Variants in EPM2A observed in about 807,000 individuals in gnomAD.
The protein encoded by EPM2A is EPM2A glucan phosphatase, laforin.
EPM2A carries 21 observed loss-of-function variants against 26.5 expected under a neutral mutation model. That is an observed-to-expected ratio of 0.79 (90% CI 0.56 to 1.14). The LOEUF (loss-of-function observed/expected upper bound fraction) is 1.14, where lower values mean the gene tolerates loss of function less well. EPM2A is among the 50% of genes most tolerant of loss of function. The pLI is 0.00. For missense variants in EPM2A, 458 were observed against 440.8 expected (o/e 1.04, Z -0.35); for synonymous variants, 217 against 177.6 (o/e 1.22, Z -1.76).
At chr6:145,525,981 G>C (rs1407165402) in intron 2 of EPM2A, among the ~76,000 whole-genome samples, 1 of 151,934 alleles carries the variant, frequency 6.6e-6, no homozygotes, top group African/African-American at 2.4e-5. Context: ...TGTTTAGTTT[G>C]TTGAAGGTTC....
At chr6:145,452,305 C>G (rs779358047) in intron 4 of EPM2A, among the ~76,000 whole-genome samples, 3 of 152,010 alleles carry the variant, frequency 2.0e-5, no homozygotes, top group Non-Finnish European at 4.4e-5. Flanking sequence ...ACCTGAGCAT[C>G]TCCAAGGGCC....
chr6:145,410,906 C>A (rs1411424450), intron 4 of EPM2A, among the ~76,000 whole-genome samples: 5 of 152,186 alleles, frequency 3.3e-5, no homozygotes, highest in South Asian at 2.1e-4. Flanking sequence ...AAAAATAATT[C>A]TTGTTATTGT....
intron 2 of EPM2A, among the ~76,000 whole-genome samples, chr6:145,542,280 C>CA (rs1780523403): frequency 6.6e-6 from 1 of 152,180 alleles, no homozygotes; most frequent in African/African-American, 2.4e-5. Flanking sequence ...AACAACTGGA[C>CA]AGATTCATCT....
intron 2 of EPM2A, among the ~76,000 whole-genome samples, chr6:145,603,964 T>C (rs1781449829): frequency 6.6e-6 from 1 of 152,316 alleles, no homozygotes; most frequent in South Asian, 2.1e-4. Context: ...ATACAAAATA[T>C]ATTCTCATAT....
At chr6:145,447,690 G>A (rs1779143922) in intron 4 of EPM2A, among the ~76,000 whole-genome samples, 1 of 152,042 alleles carries the variant, frequency 6.6e-6, no homozygotes, top group Non-Finnish European at 1.5e-5. Flanking sequence ...TGAAAGACAA[G>A]AACTCTTTAA....
chr6:145,424,708 G>A (rs1778829877), intron 4 of EPM2A, among the ~76,000 whole-genome samples: 1 of 152,102 alleles, frequency 6.6e-6, no homozygotes, highest in African/African-American at 2.4e-5. Flanking sequence ...CATCACGTGT[G>A]GAATTAGTTC....
intron 2 of EPM2A, among the ~76,000 whole-genome samples, chr6:145,590,654 A>G (rs569258389): frequency 2.6e-5 from 4 of 152,190 alleles, no homozygotes; most frequent in Non-Finnish European, 5.9e-5. Context: ...AATTCTGAAG[A>G]TAACAGGAGA....
intron 2 of EPM2A, among the ~76,000 whole-genome samples, chr6:145,684,275 A>T (rs754122979): frequency 2.6e-5 from 4 of 152,178 alleles, no homozygotes; most frequent in Non-Finnish European, 5.9e-5. Flanking sequence ...CCATCTAAGG[A>T]GTGTCTCTAA....
intron 2 of EPM2A, chr6:145,639,784 C>G (rs1245506609): frequency 1.3e-5 from 2 of 152,030 alleles, no homozygotes; most frequent in African/African-American, 4.8e-5. Context: ...TCTAACTGGT[C>G]AAAACTAAAT....
intron 4 of EPM2A, among the ~76,000 whole-genome samples, chr6:145,413,640 C>T (rs1320235763): frequency 6.6e-6 from 1 of 152,102 alleles, no homozygotes; most frequent in Non-Finnish European, 1.5e-5. Context: ...AGAAACTCTT[C>T]ATGAGATAAA....
At chr6:145,455,711 T>C (rs948260641) in intron 4 of EPM2A, among the ~76,000 whole-genome samples, 1 of 152,212 alleles carries the variant, frequency 6.6e-6, no homozygotes, top group Non-Finnish European at 1.5e-5. Context: ...TACTTGTTTC[T>C]CCAAATATTT....
chr6:145,627,381 G>A lies in EPM2A; in HGVS notation c.*35C>T. 1.2e-6 allele frequency: 2 copies of A among 1,613,054 alleles called. No homozygotes were observed. The highest frequency in any genetic ancestry group is 1.1e-5 in the South Asian group (1 of 91,010). Reference sequence around the variant, plus strand: ...GACCAACATCATCCCAGGCTCCTTAGGGAAATCAGGAGGGGGCAGAAGCAG... The same window carrying A: ...GACCAACATCATCCCAGGCTCCTTAAGGAAATCAGGAGGGGGCAGAAGCAG... On this transcript the variant is annotated 3_prime_UTR_variant, in exon 4 of 4. Coordinates refer to ENST00000367519, the MANE Select transcript of EPM2A (RefSeq NM_005670.4).
At position 145,482,281 on chromosome 6, in the gene EPM2A, C is replaced by A. The variant is rs748068806; in HGVS notation, c.555+20241G>T. On this transcript the variant is annotated intron_variant, in intron 4 of 4. Transcript: ENST00000638717. The stretch of plus-strand genomic sequence containing the variant: ...TCAGCAATTTTTTCCAGCTTTAACA[C>A]TAAGGCTTAAAAGAAATTATGCTGG... Among the ~76,000 whole-genome samples the A allele has an allele frequency of 1.0e-3, 157 of 152,066 alleles. 4 individuals are homozygous for A. Among genetic ancestry groups the A allele is most frequent in the Non-Finnish European group, 2.6e-4 (18 of 68,004 alleles).
intron 2 of EPM2A, among the ~76,000 whole-genome samples, chr6:145,540,272 T>G (rs529954317): frequency 5.9e-5 from 9 of 152,176 alleles, no homozygotes; most frequent in Admixed American, 5.9e-4. Flanking sequence ...GGAAAAAAAC[T>G]GAAAGGAAAC....
chr6:145,476,985 C>T (rs1487119500), intron 4 of EPM2A, among the ~76,000 whole-genome samples: 1 of 151,396 alleles, frequency 6.6e-6, no homozygotes, highest in African/African-American at 2.4e-5. Flanking sequence ...GAAAAAAATA[C>T]AAAACATCAA....
intron 4 of EPM2A, among the ~76,000 whole-genome samples, chr6:145,416,070 A>T (rs1274699304): frequency 6.6e-6 from 1 of 152,122 alleles, no homozygotes; most frequent in Non-Finnish European, 1.5e-5. Context: ...TCATGAAACC[A>T]CTGTCTTGAT....
At chr6:145,700,968 A>G (rs1427448631) in intron 1 of EPM2A, among the ~76,000 whole-genome samples, 2 of 152,224 alleles carry the variant, frequency 1.3e-5, no homozygotes, top group East Asian at 3.8e-4. Context: ...GTTGACATGA[A>G]TATCACATAT....
intron 2 of EPM2A, among the ~76,000 whole-genome samples, chr6:145,556,790 A>C (rs951040390): frequency 6.6e-6 from 1 of 152,158 alleles, no homozygotes; most frequent in Admixed American, 6.6e-5. Context: ...ACCATATCAC[A>C]TAACAGCTTA....
chr6:145,663,568 G>T, intron 2 of EPM2A, among the ~76,000 whole-genome samples: 1 of 152,016 alleles, frequency 6.6e-6, no homozygotes, highest in South Asian at 2.1e-4. Context: ...GCGGAGAATA[G>T]AACCAAGTTG....
Sources: gnomAD v4.1 joint callset for allele counts (sites outside exome capture counted in the v4.1 genomes callset) on GRCh38, gnomAD v4.1.1 for gene constraint, MANE v1.5 for transcripts, NCBI Gene and HGNC (gene_info 2026-07-23, HGNC 2026-07-21) for gene names.